Variants in PRKN observed in about 807,000 individuals in gnomAD.
PRKN encodes E3 ubiquitin-protein ligase parkin.
Under a neutral mutation model 59.5 loss-of-function variants are expected in PRKN, and 56 were observed. The observed-to-expected ratio is 0.94, with a 90% CI of 0.76 to 1.18. The LOEUF (loss-of-function observed/expected upper bound fraction) is 1.18. Ranked by LOEUF, PRKN falls within the 50% of genes most tolerant of loss-of-function variation. PRKN has a pLI of 0.00. For synonymous variants in PRKN, 250 were observed against 222.1 expected (o/e 1.13, Z -1.12); for missense variants, 657 against 596.4 (o/e 1.10, Z -1.06).
intron 9 of PRKN, among the ~76,000 whole-genome samples, chr6:161,489,372 C>A (rs1194759492): frequency 3.3e-5 from 5 of 151,966 alleles, no homozygotes; most frequent in African/African-American, 1.2e-4. Context: ...CCAGTCTGGC[C>A]AACATGGTGA....
intron 5 of PRKN, among the ~76,000 whole-genome samples, chr6:161,983,042 C>T (rs1167345266): frequency 2.1e-5 from 1 of 47,206 alleles, no homozygotes. Flanking sequence ...CTATAATGAA[C>T]TCAAACAAAT....
chr6:162,050,937 T>A (rs928864960), intron 5 of PRKN, among the ~76,000 whole-genome samples: 1 of 151,928 alleles, frequency 6.6e-6, no homozygotes, highest in African/African-American at 2.4e-5. Flanking sequence ...TATAAACACA[T>A]GGTGTTCGGA....
chr6:162,610,792 C>T (rs184153991), intron 1 of PRKN, among the ~76,000 whole-genome samples: 141 of 152,244 alleles, frequency 9.3e-4, no homozygotes, highest in Non-Finnish European at 1.6e-3. Context: ...CTCCCATTTA[C>T]ATCTCTATAG....
intron 1 of PRKN, among the ~76,000 whole-genome samples, chr6:162,531,133 G>A (rs34159668): frequency 0.094 from 14,138 of 150,686 alleles, 755 homozygotes; most frequent in Middle Eastern, 0.18. Context: ...TTGGGAAACC[G>A]AGGTGGGTGG....
At chr6:161,426,579 T>C (rs1788367619) in intron 9 of PRKN, among the ~76,000 whole-genome samples, 1 of 151,040 alleles carries the variant, frequency 6.6e-6, no homozygotes, top group Non-Finnish European at 1.5e-5. Flanking sequence ...GCTCCTCAGC[T>C]TGCAGATGGC....
intron 3 of PRKN, among the ~76,000 whole-genome samples, chr6:162,205,283 T>C (rs1260219184): frequency 6.6e-6 from 1 of 152,218 alleles, no homozygotes; most frequent in Non-Finnish European, 1.5e-5. Flanking sequence ...TTACAACATA[T>C]TGAATAGAGC....
chr6:162,334,371 G>T (rs973538193), intron 2 of PRKN, among the ~76,000 whole-genome samples: 1 of 152,192 alleles, frequency 6.6e-6, no homozygotes, highest in African/African-American at 2.4e-5. Context: ...AGGGGCAAAT[G>T]CAGCTGGTTT....
At chr6:162,459,252 G>A (rs975241138) in intron 1 of PRKN, among the ~76,000 whole-genome samples, 2 of 152,128 alleles carry the variant, frequency 1.3e-5, no homozygotes, top group Non-Finnish European at 2.9e-5. Context: ...GGAAGACTGT[G>A]CATAGTAAGC....
intron 6 of PRKN, among the ~76,000 whole-genome samples, chr6:161,895,828 T>G (rs1356824554): frequency 1.3e-5 from 2 of 152,108 alleles, no homozygotes; most frequent in Admixed American, 6.5e-5. Flanking sequence ...CATGAATGAA[T>G]GGATGAGGGC....
In PRKN at chr6:161,400,572, C is replaced by T. The variant is rs372995998; in HGVS notation, c.1084-13695G>A. ...CAGGTAATCCGTTCCCCTCAGCCTCCCAAAGTGCTGGGATTACAGGCATGA... is the reference window on the plus strand; with the variant it reads ...CAGGTAATCCGTTCCCCTCAGCCTCTCAAAGTGCTGGGATTACAGGCATGA... On this transcript the variant is annotated intron_variant, in intron 9 of 11. Transcript: ENST00000366898. This position sits in a 1 kb window ranked among gnomAD's most constrained non-coding sequence, Gnocchi z 4.2. Among the ~76,000 whole-genome samples, 23 of 152,134 alleles carry T rather than the reference C, an allele frequency of 1.5e-4. No individual in the cohort carries two copies. Among genetic ancestry groups the T allele is most frequent in the African/African-American group, 5.1e-4 (21 of 41,498 alleles).
In PRKN at chr6:162,608,435, C is replaced by T. The variant is rs78221706; in HGVS notation, c.7+119227G>A. On this transcript the variant is annotated intron_variant, in intron 1 of 11. Transcript: ENST00000366898. ...GGTCAAGGTGTCGGATGCTAAATCT[C>T]CCAGGATAATGGGAGAGGTTCGAGT... 4.6e-3 allele frequency among the ~76,000 whole-genome samples: 705 copies of T among 152,158 alleles called. 8 individuals are homozygous for T. The highest frequency in any genetic ancestry group is 5.9e-3 in the Non-Finnish European group (404 of 68,006).
chr6:162,335,158 T>A (rs1248065299), intron 2 of PRKN, among the ~76,000 whole-genome samples: 1 of 151,784 alleles, frequency 6.6e-6, no homozygotes, highest in African/African-American at 2.4e-5. Flanking sequence ...TGATTATAGG[T>A]ACACGGCACC....
intron 5 of PRKN, among the ~76,000 whole-genome samples, chr6:162,033,682 T>G (rs886643020): frequency 2.6e-5 from 4 of 152,152 alleles, no homozygotes; most frequent in African/African-American, 9.7e-5. Flanking sequence ...GATTTTTTAA[T>G]TAATTAGCTT....
intron 3 of PRKN, among the ~76,000 whole-genome samples, chr6:162,248,665 T>C (rs988631997): frequency 6.6e-6 from 1 of 152,140 alleles, no homozygotes; most frequent in Non-Finnish European, 1.5e-5. Flanking sequence ...TATTTTAGTC[T>C]GGAAATAGAT....
At chr6:162,303,125 G>C (rs1416137473) in intron 2 of PRKN, among the ~76,000 whole-genome samples, 1 of 146,106 alleles carries the variant, frequency 6.8e-6, no homozygotes, top group East Asian at 1.9e-4. Flanking sequence ...TTCTGCTATG[G>C]TGTAAAAAAA....
intron 1 of PRKN, among the ~76,000 whole-genome samples, chr6:162,607,270 A>G (rs1781959450): frequency 6.6e-6 from 1 of 152,188 alleles, no homozygotes; most frequent in African/African-American, 2.4e-5. Context: ...AGCTTCCAAA[A>G]AAGACAGGAA....
intron 7 of PRKN, among the ~76,000 whole-genome samples, chr6:161,643,674 C>T (rs547563170): frequency 7.2e-5 from 11 of 152,254 alleles, no homozygotes; most frequent in South Asian, 4.1e-4. Context: ...ACCTGGCTAA[C>T]GCATTAGATA....
Position 161,475,894 on chromosome 6 carries a change from T to G in PRKN, c.1083+72960A>C, listed in dbSNP as rs935154668. Among the ~76,000 whole-genome samples, 2 of 152,054 alleles carry G rather than the reference T, an allele frequency of 1.3e-5. No homozygotes were observed. Among genetic ancestry groups the G allele is most frequent in the East Asian group, 3.9e-4 (2 of 5,192 alleles). On this transcript the variant is annotated intron_variant, in intron 9 of 11. Transcript: ENST00000366898. The surrounding 1 kb of genome is among the most constrained non-coding windows in gnomAD (Gnocchi z 5.3). ...ATATATTTTATATATTTAAAAATAT[T>G]ATTCAAGATAGGCTGGTCGCGGTGG... is the stretch of plus-strand genomic sequence containing the variant.
chr6:162,187,479 A>G (rs890915010), intron 4 of PRKN, among the ~76,000 whole-genome samples: 2 of 152,144 alleles, frequency 1.3e-5, no homozygotes, highest in African/African-American at 4.8e-5. Flanking sequence ...ATGGCAGTGC[A>G]GGGGAGCAAG....
Sources: allele counts gnomAD v4.1 joint callset (sites outside exome capture counted in the v4.1 genomes callset), GRCh38; gene constraint gnomAD v4.1.1; non-coding constraint Gnocchi (gnomAD v3.1); transcripts MANE v1.5; gene names NCBI Gene and HGNC (gene_info 2026-07-23, HGNC 2026-07-21).